The following TIPIN variants were observed in gnomAD, a reference collection of about 807,000 sequenced individuals.
The protein encoded by TIPIN is TIMELESS interacting protein, also known as TIMELESS-interacting protein.
A neutral mutation model predicts 35.6 loss-of-function variants in TIPIN; 29 were observed. The observed-to-expected ratio is 0.82, with a 90% CI of 0.61 to 1.11. TIPIN has a LOEUF of 1.11. Ranked by LOEUF, TIPIN falls within the 50% of genes most tolerant of loss-of-function variation. The probability of loss-of-function intolerance (pLI) is 0.00; values close to 1 mark genes in which losing one functional copy is unlikely to be tolerated. For synonymous variants in TIPIN, 102 were observed against 121.5 expected (o/e 0.84, Z 1.06); for missense variants, 296 against 345.4 (o/e 0.86, Z 1.13).
At chr15:66,364,818 T>G (rs2140482561) in intron 1 of TIPIN, among the ~76,000 whole-genome samples, 1 of 151,634 alleles carries the variant, frequency 6.6e-6, no homozygotes, top group South Asian at 2.1e-4. Flanking sequence ...ATACAAAAAT[T>G]AGCTGGGTGT....
chr15:66,358,825 C>T (rs964020066), upstream of TIPIN, among the ~76,000 whole-genome samples: 2 of 152,018 alleles, frequency 1.3e-5, no homozygotes, highest in African/African-American at 4.8e-5. Context: ...GGGTGGATCA[C>T]CTGAGGTCAG....
At chr15:66,361,505 T>A (rs1226643417), upstream of TIPIN, among the ~76,000 whole-genome samples, 3 of 148,844 alleles carry the variant, frequency 2.0e-5, no homozygotes, top group African/African-American at 7.4e-5. Context: ...TCTGCCCACC[T>A]GGGCCTCCCA....
chr15:66,382,278 G>T, intron 1 of TIPIN: 1 of 901,894 alleles, frequency 1.1e-6, no homozygotes, highest in Non-Finnish European at 1.3e-6. Flanking sequence ...GGGCAGAACT[G>T]GAATTAATCT....
chr15:66,352,013 GT>G, intron 3 of TIPIN, 115 bp downstream of exon 3: 1 of 858,054 alleles, frequency 1.2e-6, no homozygotes, highest in East Asian at 3.0e-5. Flanking sequence ...CTAAAAAAAA[GT>G]TTTTAGAAAT....
At chr15:66,347,581 C>T (rs1231023583) in intron 6 of TIPIN, among the ~76,000 whole-genome samples, 1 of 151,958 alleles carries the variant, frequency 6.6e-6, no homozygotes, top group Middle Eastern at 3.2e-3. Context: ...TCTAGATGTA[C>T]CAAGGCTTTG....
chr15:66,386,227 G>A (rs975329062), intron 1 of TIPIN, among the ~76,000 whole-genome samples: 12 of 152,176 alleles, frequency 7.9e-5, no homozygotes, highest in Non-Finnish European at 1.5e-5. Flanking sequence ...GGGAGGCAGA[G>A]GTGGTAGTTA....
intron 4 of TIPIN, among the ~76,000 whole-genome samples, chr15:66,350,890 G>A (rs1427961835): frequency 2.7e-5 from 4 of 145,822 alleles, no homozygotes; most frequent in Non-Finnish European, 4.5e-5. Flanking sequence ...AGCCTAGATT[G>A]CGCCACTGCA....
At chr15:66,380,746 C>T (rs1019130446) in intron 1 of TIPIN, among the ~76,000 whole-genome samples, 6 of 151,964 alleles carry the variant, frequency 3.9e-5, no homozygotes, top group Non-Finnish European at 5.9e-5. Context: ...ACCTGGGAGG[C>T]GTAGGTTGCA....
At position 66,352,948 on chromosome 15, in the gene TIPIN, CTT is replaced by C; in HGVS notation, c.-3_-2del. ...CGCCATTCTCCTGTGGTTCTAGCAT[CTT>C]TTCCTCTAGGGGAAAAAATTAAAGT... is the stretch of plus-strand genomic sequence containing the variant. On this transcript the variant is annotated 5_prime_UTR_variant, in exon 2 of 8. Transcript: ENST00000261881. The C allele has an allele frequency of 6.2e-7, 1 of 1,611,808 alleles. No individual in the cohort carries two copies. Among genetic ancestry groups the C allele is most frequent in the Non-Finnish European group, 8.5e-7 (1 of 1,179,050 alleles).
At chr15:66,371,182 G>A in intron 1 of TIPIN, 1 of 959,466 alleles carries the variant, frequency 1.0e-6, no homozygotes, top group Non-Finnish European at 1.2e-6. Context: ...TTGCACTGCA[G>A]GCTGGGCAAC....
At chr15:66,383,437 A>G (rs2093325205) in intron 1 of TIPIN, 5 of 216,968 alleles carry the variant, frequency 2.3e-5, no homozygotes, top group Non-Finnish European at 3.9e-5. Flanking sequence ...TAATTTTTGT[A>G]TTTTTAGTAA....
At chr15:66,371,047 C>G (rs1167763221) in intron 1 of TIPIN, 1 of 193,604 alleles carries the variant, frequency 5.2e-6, no homozygotes, top group Non-Finnish European at 9.4e-6. Context: ...CTCGTCTCTA[C>G]TAAAAATACA....
intron 1 of TIPIN, among the ~76,000 whole-genome samples, chr15:66,377,747 G>C (rs918545831): frequency 6.6e-6 from 1 of 151,784 alleles, no homozygotes; most frequent in East Asian, 1.9e-4. Context: ...CGCAATCTCG[G>C]CTCACTGCAA....
At chr15:66,363,136 G>A (rs530220671) in intron 1 of TIPIN, among the ~76,000 whole-genome samples, 1 of 152,316 alleles carries the variant, frequency 6.6e-6, no homozygotes, top group African/African-American at 2.4e-5. Context: ...CCAGCACTTT[G>A]GGAATCTGAA....
intron 4 of TIPIN, among the ~76,000 whole-genome samples, chr15:66,350,920 G>A (rs556538597): frequency 7.9e-6 from 1 of 126,422 alleles, no homozygotes; most frequent in South Asian, 2.5e-4. Context: ...GGGCAACAGA[G>A]CAAGCAAGAC....
At chr15:66,381,642 C>T (rs538804934) in intron 1 of TIPIN, among the ~76,000 whole-genome samples, 2 of 152,160 alleles carry the variant, frequency 1.3e-5, no homozygotes, top group East Asian at 1.9e-4. Flanking sequence ...TTAAATAATA[C>T]TATGTTGATC....
chr15:66,381,962 G>A (rs2093320124), intron 1 of TIPIN, among the ~76,000 whole-genome samples: 1 of 152,188 alleles, frequency 6.6e-6, no homozygotes, highest in Non-Finnish European at 1.5e-5. Flanking sequence ...CTACTTGGGA[G>A]GCTGAGGCAG....
chr15:66,343,663 T>C (rs2093103469), intron 6 of TIPIN, among the ~76,000 whole-genome samples: 1 of 152,174 alleles, frequency 6.6e-6, no homozygotes, highest in South Asian at 2.1e-4. Flanking sequence ...GATAAGAGTA[T>C]ATGTATGAAA....
chr15:66,359,201 A>T (rs866134944), upstream of TIPIN, among the ~76,000 whole-genome samples: 41 of 151,484 alleles, frequency 2.7e-4, no homozygotes, highest in Non-Finnish European at 3.7e-4. Flanking sequence ...ACACACACAA[A>T]GATAGAAAGT....
Sources: gnomAD v4.1 joint callset for allele counts (sites outside exome capture counted in the v4.1 genomes callset) on GRCh38, gnomAD v4.1.1 for gene constraint, MANE v1.5 for transcripts, NCBI Gene and HGNC (gene_info 2026-07-23, HGNC 2026-07-21) for gene names.